ORC3: variants seen among roughly 807,000 people sequenced by gnomAD.
ORC3 encodes homolog of latheo, Drosophila.
A neutral mutation model predicts 100.7 loss-of-function variants in ORC3; 78 were observed. That is an observed-to-expected ratio of 0.77 (90% CI 0.65 to 0.94). The LOEUF (loss-of-function observed/expected upper bound fraction) is 0.94, where lower values mean the gene tolerates loss of function less well. Ranked by LOEUF, ORC3 falls within the 40% of genes least tolerant of loss-of-function variation. ORC3 has a pLI of 0.00. For synonymous variants in ORC3, 295 were observed against 289.3 expected (o/e 1.02, Z -0.20); for missense variants, 789 against 823.9 (o/e 0.96, Z 0.52).
chr6:87,610,549 A>AT lies in ORC3; in HGVS notation c.713+1326dup, dbSNP rs201458244. 9.3e-4 allele frequency among the ~76,000 whole-genome samples: 124 copies of AT among 133,202 alleles called. 5 individuals are homozygous for AT. Among genetic ancestry groups the AT allele is most frequent in the African/African-American group, 2.9e-3 (94 of 32,242 alleles). 87.4% of individuals were successfully genotyped at this position (133,202 alleles called of 152,430 possible). ...TTACTAATATACTTTATTTTTTTTT[A>AT]TTTTTTATTTTTTTTGAGACGGAGT... On this transcript the variant is annotated intron_variant, in intron 7 of 19. Coordinates refer to ENST00000392844, the MANE Select transcript of ORC3 (RefSeq NM_012381.4).
At chr6:87,650,878 A>G in intron 13 of ORC3, 1 of 272,048 alleles carries the variant, frequency 3.7e-6, no homozygotes, top group Non-Finnish European at 7.4e-6. Flanking sequence ...ATGGTGGTGC[A>G]TGCCTGTAAT....
chr6:87,672,846 G>A, the ORC3 span, among the ~76,000 whole-genome samples: 17 of 152,038 alleles, frequency 1.1e-4, no homozygotes, highest in African/African-American at 2.4e-4. Flanking sequence ...AAGTACAAAC[G>A]CTTATACCTA....
At chr6:87,639,831 A>T (rs1768103623) in intron 13 of ORC3, among the ~76,000 whole-genome samples, 1 of 149,642 alleles carries the variant, frequency 6.7e-6, no homozygotes, top group South Asian at 2.1e-4. Context: ...AATACAAAAA[A>T]AAAAAAAAAA....
chr6:87,594,194 C>T lies in ORC3; in HGVS notation c.25-159C>T, dbSNP rs573865848. Among the ~76,000 whole-genome samples the T allele has an allele frequency of 3.9e-5, 6 of 152,242 alleles. No homozygotes were observed. The South Asian group carries it at 1.0e-3, about 26-fold the overall frequency. Reference sequence around the variant, plus strand: ...GTTTTAGAATTTTCCTTCTATAGGTCAGAGAGAAGTGATGTGATTTCTTAG... The same window carrying T: ...GTTTTAGAATTTTCCTTCTATAGGTTAGAGAGAAGTGATGTGATTTCTTAG... On this transcript the variant is annotated intron_variant, in intron 1 of 19. Transcript: ENST00000392844.
the ORC3 span, among the ~76,000 whole-genome samples, chr6:87,672,620 C>A: frequency 6.6e-6 from 1 of 152,180 alleles, no homozygotes; most frequent in Non-Finnish European, 1.5e-5. Context: ...TCATTTCCAA[C>A]CCTAGCTGCT....
chr6:87,610,400 G>C (rs904479835), intron 7 of ORC3, among the ~76,000 whole-genome samples: 2 of 151,334 alleles, frequency 1.3e-5, no homozygotes, highest in African/African-American at 4.9e-5. Context: ...GTAGAGACAG[G>C]GTTTCACCAT....
At chr6:87,626,383 C>T (rs1779901232) in intron 11 of ORC3, among the ~76,000 whole-genome samples, 1 of 152,152 alleles carries the variant, frequency 6.6e-6, no homozygotes, top group African/African-American at 2.4e-5. Context: ...TTGTAATTCT[C>T]CTTGAAGAGA....
intron 13 of ORC3, among the ~76,000 whole-genome samples, chr6:87,641,207 G>C (rs182276393): frequency 6.6e-6 from 1 of 152,286 alleles, no homozygotes; most frequent in African/African-American, 2.4e-5. Flanking sequence ...TGGATTCTTG[G>C]ATTGGGGATA....
chr6:87,676,191 G>A, the ORC3 span, among the ~76,000 whole-genome samples: 14 of 152,150 alleles, frequency 9.2e-5, no homozygotes, highest in Non-Finnish European at 1.5e-4. Context: ...GGGACCGGGT[G>A]CGGTGGCTCA....
chr6:87,634,988 C>T, intron 12 of ORC3, 27 bp downstream of exon 12: 1 of 1,094,220 alleles, frequency 9.1e-7, no homozygotes, highest in Non-Finnish European at 1.4e-6. Flanking sequence ...CATTTGTAAT[C>T]CATGAAGTAG....
intron 13 of ORC3, among the ~76,000 whole-genome samples, chr6:87,643,412 TAA>T (rs11441800): frequency 1.5e-3 from 216 of 140,912 alleles, no homozygotes; most frequent in Middle Eastern, 0.011. Flanking sequence ...AGGGAGAGGT[TAA>T]AAAAAAAAAA....
intron 11 of ORC3, among the ~76,000 whole-genome samples, chr6:87,627,311 T>C (rs976525689): frequency 4.0e-5 from 6 of 148,708 alleles, no homozygotes; most frequent in Non-Finnish European, 8.9e-5. Context: ...TTTTTTTTTT[T>C]TTTTGAGGGG....
downstream of ORC3, among the ~76,000 whole-genome samples, chr6:87,670,506 A>G (rs1770811420): frequency 6.6e-6 from 1 of 152,168 alleles, no homozygotes; most frequent in African/African-American, 2.4e-5. Context: ...CAAAAGAGCT[A>G]TAAAATTAAA....
chr6:87,674,755 T>C, the ORC3 span, among the ~76,000 whole-genome samples: 19 of 151,142 alleles, frequency 1.3e-4, no homozygotes, highest in African/African-American at 2.4e-5. Context: ...ATTACAGGCA[T>C]GAGCCACCGC....
At chr6:87,612,307 T>C (rs1778833999) in intron 8 of ORC3, 59 bp downstream of exon 8, 1 of 1,205,360 alleles carries the variant, frequency 8.3e-7, no homozygotes, top group Non-Finnish European at 1.2e-6. Flanking sequence ...CAATAATAGA[T>C]TGTTAAGATA....
chr6:87,590,650 A>G (rs527643266), intron 1 of ORC3, among the ~76,000 whole-genome samples: 3 of 152,140 alleles, frequency 2.0e-5, no homozygotes, highest in Non-Finnish European at 4.4e-5. Flanking sequence ...GGAAGAACCT[A>G]ATATAGGTTG....
At chr6:87,657,774 A>C (rs1232029985) in intron 15 of ORC3, 147 bp from the exon 16 acceptor site, 2 of 495,532 alleles carry the variant, frequency 4.0e-6, no homozygotes, top group Admixed American at 6.6e-5. Flanking sequence ...AATAAAAAGA[A>C]TAAACAAAAC....
chr6:87,666,133 G>GTT (rs1454052748), intron 19 of ORC3, among the ~76,000 whole-genome samples: 1 of 151,568 alleles, frequency 6.6e-6, no homozygotes, highest in African/African-American at 2.4e-5. Flanking sequence ...TGTTTTTTTT[G>GTT]TTTGTTTGTT....
intron 14 of ORC3, among the ~76,000 whole-genome samples, chr6:87,654,896 A>G (rs1401963756): frequency 6.6e-6 from 1 of 152,224 alleles, no homozygotes; most frequent in Admixed American, 6.5e-5. Flanking sequence ...TGCTAGAGCT[A>G]AATAAAGGAA....
Sources: allele counts gnomAD v4.1 joint callset (sites outside exome capture counted in the v4.1 genomes callset), GRCh38; gene constraint gnomAD v4.1.1; transcripts MANE v1.5; gene names NCBI Gene and HGNC (gene_info 2026-07-23, HGNC 2026-07-21).